ECT2L: variants seen among roughly 807,000 people sequenced by gnomAD.
ECT2L encodes the protein epithelial cell transforming 2 like.
Under a neutral mutation model 122.8 loss-of-function variants are expected in ECT2L, and 126 were observed. That is an observed-to-expected ratio of 1.03 (90% CI 0.89 to 1.19). The LOEUF (loss-of-function observed/expected upper bound fraction) is 1.19. ECT2L is among the 50% of genes most tolerant of loss of function. The probability of loss-of-function intolerance (pLI) is 0.00; values close to 1 mark genes in which losing one functional copy is unlikely to be tolerated. For synonymous variants in ECT2L, 385 were observed against 381.8 expected (o/e 1.01, Z -0.10); for missense variants, 1,012 against 1,064.1 (o/e 0.95, Z 0.68).
At chr6:138,866,384 G>A (rs1778040079) in intron 12 of ECT2L, among the ~76,000 whole-genome samples, 1 of 152,024 alleles carries the variant, frequency 6.6e-6, no homozygotes. Context: ...CCAAGTAGCT[G>A]GGATTACAGG....
chr6:138,837,055 G>A (rs4896409), intron 4 of ECT2L, among the ~76,000 whole-genome samples: 71,838 of 151,732 alleles, frequency 0.47, 17,744 homozygotes, highest in East Asian at 0.8. Context: ...ATTGCTTCTG[G>A]GATGTTATTG....
intron 18 of ECT2L, 77 bp from the exon 19 acceptor site, chr6:138,886,780 A>C: frequency 9.4e-7 from 1 of 1,062,208 alleles, no homozygotes; most frequent in Non-Finnish European, 1.4e-6. Flanking sequence ...AAGCGCCATA[A>C]AATATTTTAA....
chr6:138,847,354 A>ATTTTTTTTTT lies in ECT2L; in HGVS notation c.903+677_903+678insTTTTTTTTTT, dbSNP rs1562471985. Among the ~76,000 whole-genome samples the ATTTTTTTTTT allele has an allele frequency of 4.9e-4, 54 of 111,046 alleles. 4 individuals are homozygous for ATTTTTTTTTT. Among genetic ancestry groups the ATTTTTTTTTT allele is most frequent in the African/African-American group, 2.1e-3 (53 of 24,928 alleles). 72.9% of individuals were successfully genotyped at this position (111,046 alleles called of 152,430 possible). A position where few individuals can be genotyped will look rare whatever the true frequency, so the allele number is the denominator to read the frequency against. ...TTTTGAAAAAGCATTAAAGGCCCAA[A>ATTTTTTTTTT]CTTTTTTTTTTTTTTTTTTTTTTTT... On this transcript the variant is annotated intron_variant, in intron 8 of 21. Coordinates refer to ENST00000541398, the MANE Select transcript of ECT2L (RefSeq NM_001077706.3).
chr6:138,803,880 G>A (rs528663724), intron 1 of ECT2L, among the ~76,000 whole-genome samples: 5 of 152,354 alleles, frequency 3.3e-5, no homozygotes, highest in African/African-American at 1.2e-4. Context: ...CAGAGGCACT[G>A]CAAATGTCTG....
At chr6:138,852,708 A>T (rs1178580098) in intron 9 of ECT2L, among the ~76,000 whole-genome samples, 1 of 152,202 alleles carries the variant, frequency 6.6e-6, no homozygotes, top group African/African-American at 2.4e-5. Context: ...TGCCTGGGGC[A>T]AGTTGTGTTC....
At chr6:138,812,245 G>A (rs733974) in intron 1 of ECT2L, among the ~76,000 whole-genome samples, 69,036 of 151,942 alleles carry the variant, frequency 0.45, 15,899 homozygotes, top group South Asian at 0.63. Context: ...GAGAAAATAA[G>A]TTTCTGTTGT....
intron 10 of ECT2L, among the ~76,000 whole-genome samples, chr6:138,858,163 A>G (rs2128397059): frequency 6.6e-6 from 1 of 152,212 alleles, no homozygotes; most frequent in East Asian, 1.9e-4. Flanking sequence ...ATGACTCTAA[A>G]TGTAATTTAT....
intron 4 of ECT2L, among the ~76,000 whole-genome samples, chr6:138,833,987 CCT>C (rs1776741460): frequency 6.6e-6 from 1 of 152,106 alleles, no homozygotes; most frequent in African/African-American, 2.4e-5. Flanking sequence ...CCTCCACAGG[CCT>C]CTCTCCAAGC....
intron 19 of ECT2L, among the ~76,000 whole-genome samples, chr6:138,888,322 T>TTTTC (rs1562494118): frequency 6.7e-6 from 1 of 148,850 alleles, no homozygotes; most frequent in East Asian, 1.9e-4. Flanking sequence ...CTTTTCTTTT[T>TTTTC]TTTTTTTTTT....
At chr6:138,879,148 T>C (rs951276139) in intron 14 of ECT2L, 9 of 240,228 alleles carry the variant, frequency 3.7e-5, no homozygotes, top group Non-Finnish European at 5.1e-5. Flanking sequence ...ATCTGACAAA[T>C]TGGAATCTGA....
chr6:138,818,305 TC>T (rs1375406230), intron 4 of ECT2L, among the ~76,000 whole-genome samples: 1 of 151,914 alleles, frequency 6.6e-6, no homozygotes, highest in African/African-American at 2.4e-5. Flanking sequence ...CAGAAAAATA[TC>T]CACCAAGGTG....
At chr6:138,813,071 C>T (rs1775954303) in intron 2 of ECT2L, 94 bp downstream of exon 2, 2 of 440,788 alleles carry the variant, frequency 4.5e-6, no homozygotes. Context: ...TTTATATATA[C>T]ACACGTACAC....
chr6:138,887,692 T>A (rs1055681405), intron 19 of ECT2L, among the ~76,000 whole-genome samples: 2 of 152,238 alleles, frequency 1.3e-5, no homozygotes, highest in African/African-American at 4.8e-5. Context: ...GACTTCCTTA[T>A]AATCATACCA....
At position 138,845,242 on chromosome 6, in the gene ECT2L, ATTTT is replaced by A. The variant is rs10717081; in HGVS notation, c.764+677_764+680del. 2.6e-4 allele frequency among the ~76,000 whole-genome samples: 34 copies of A among 128,596 alleles called. 2 individuals carry two copies. The highest frequency in any genetic ancestry group is 8.5e-4 in the African/African-American group (30 of 35,324). The allele number at this position is 128,596 out of a possible 152,430, so 84.4% of individuals were successfully genotyped here. A position where few individuals can be genotyped will look rare whatever the true frequency, so the allele number is the denominator to read the frequency against. ...ATTTCTTTTTAACTTTTAACTTTGGATTTTTTTTTTTTTTTTTTGAGACGGAGTC... is the reference window on the plus strand; with the variant it reads ...ATTTCTTTTTAACTTTTAACTTTGGATTTTTTTTTTTTTTGAGACGGAGTC... On this transcript the variant is annotated intron_variant, in intron 7 of 21. Coordinates refer to ENST00000541398, the MANE Select transcript of ECT2L (RefSeq NM_001077706.3).
intron 20 of ECT2L, among the ~76,000 whole-genome samples, chr6:138,892,764 A>AT (rs1278889436): frequency 6.6e-6 from 1 of 152,182 alleles, no homozygotes; most frequent in Non-Finnish European, 1.5e-5. Context: ...AAGTGCTAGG[A>AT]TTAAAGGAGT....
chr6:138,896,936 G>A (rs1467133478), intron 20 of ECT2L, among the ~76,000 whole-genome samples: 2 of 152,118 alleles, frequency 1.3e-5, no homozygotes, highest in African/African-American at 4.8e-5. Flanking sequence ...GTGAGCCACC[G>A]CACCTGGCCT....
At chr6:138,854,921 T>C (rs1227655873) in intron 10 of ECT2L, among the ~76,000 whole-genome samples, 5 of 152,172 alleles carry the variant, frequency 3.3e-5, no homozygotes, top group African/African-American at 1.2e-4. Context: ...TCATGCACAA[T>C]GTTTACAAGG....
At chr6:138,802,426 G>T (rs1241343314) in intron 1 of ECT2L, among the ~76,000 whole-genome samples, 2 of 152,192 alleles carry the variant, frequency 1.3e-5, no homozygotes, top group East Asian at 3.9e-4. Context: ...TAAATAAACA[G>T]TATGATAACC....
At chr6:138,817,473 G>A (rs1295512476) in intron 4 of ECT2L, among the ~76,000 whole-genome samples, 3 of 152,140 alleles carry the variant, frequency 2.0e-5, no homozygotes, top group Non-Finnish European at 4.4e-5. Flanking sequence ...GGCTATATTT[G>A]TGCAATACCT....
Sources: allele counts gnomAD v4.1 joint callset (sites outside exome capture counted in the v4.1 genomes callset), GRCh38; gene constraint gnomAD v4.1.1; transcripts MANE v1.5; gene names NCBI Gene and HGNC (gene_info 2026-07-23, HGNC 2026-07-21).